Variants in CRISPLD2 observed in about 807,000 individuals in gnomAD.
CRISPLD2 encodes cysteine rich secretory protein LCCL domain containing 2.
A neutral mutation model predicts 71.1 loss-of-function variants in CRISPLD2; 47 were observed. The observed-to-expected ratio is 0.66, with a 90% CI of 0.52 to 0.84. The LOEUF (loss-of-function observed/expected upper bound fraction) is 0.84, where lower values mean the gene tolerates loss of function less well. CRISPLD2 is among the 40% of genes least tolerant of loss of function. The pLI is 0.00. For missense variants in CRISPLD2, 830 were observed against 651.1 expected (o/e 1.27, Z -2.99); for synonymous variants, 317 against 250.1 (o/e 1.27, Z -2.52).
intron 7 of CRISPLD2, among the ~76,000 whole-genome samples, chr16:84,867,342 G>A (rs898190812): frequency 6.6e-6 from 1 of 152,224 alleles, no homozygotes; most frequent in Non-Finnish European, 1.5e-5. Flanking sequence ...CTGAAGTTGG[G>A]TTCCTCTGGG....
At chr16:84,873,209 G>T in intron 10 of CRISPLD2, 87 bp downstream of exon 10, 1 of 1,494,400 alleles carries the variant, frequency 6.7e-7, no homozygotes, top group Non-Finnish European at 9.0e-7. Context: ...CACACAGGCC[G>T]GGCGTGGTGG....
chr16:84,871,543 T>C (rs1386893313), intron 8 of CRISPLD2, among the ~76,000 whole-genome samples: 6 of 151,332 alleles, frequency 4.0e-5, no homozygotes, highest in African/African-American at 1.5e-4. Context: ...TTTCTTGGGG[T>C]TTTGTTTGTT....
chr16:84,897,815 C>A (rs113378940), intron 14 of CRISPLD2, among the ~76,000 whole-genome samples: 3,212 of 152,296 alleles, frequency 0.021, 65 homozygotes, highest in African/African-American at 0.047. Flanking sequence ...CGGGGTTTCG[C>A]CATGTTGGCC....
At chr16:84,840,339 G>A (rs1344339429) in intron 2 of CRISPLD2, among the ~76,000 whole-genome samples, 1 of 152,134 alleles carries the variant, frequency 6.6e-6, no homozygotes, top group Non-Finnish European at 1.5e-5. Context: ...GAAAGTATTA[G>A]CACCAATTTG....
intron 2 of CRISPLD2, among the ~76,000 whole-genome samples, chr16:84,845,325 C>G (rs1009967799): frequency 1.3e-5 from 2 of 151,690 alleles, no homozygotes; most frequent in African/African-American, 4.8e-5. Context: ...GGAGAGGAAG[C>G]CTGGTGTGCC....
At chr16:84,872,382 C>T (rs2071478505) in intron 8 of CRISPLD2, 60 bp from the exon 9 acceptor site, 8 of 1,338,830 alleles carry the variant, frequency 6.0e-6, no homozygotes, top group South Asian at 1.2e-5. Flanking sequence ...ATGATAAACT[C>T]ATTGTGAGAT....
chr16:84,832,480 C>A (rs1422983523), intron 1 of CRISPLD2, among the ~76,000 whole-genome samples: 1 of 152,248 alleles, frequency 6.6e-6, no homozygotes, highest in Non-Finnish European at 1.5e-5. Context: ...CAGGAGGGGG[C>A]CACAGAGTCA....
intron 5 of CRISPLD2, among the ~76,000 whole-genome samples, chr16:84,852,533 T>G (rs1013897307): frequency 6.6e-6 from 1 of 152,228 alleles, no homozygotes; most frequent in Non-Finnish European, 1.5e-5. Flanking sequence ...TTCTTTCCTT[T>G]TGTCTGCTGC....
chr16:84,881,430 G>C (rs539658079), intron 13 of CRISPLD2, among the ~76,000 whole-genome samples: 4 of 152,276 alleles, frequency 2.6e-5, no homozygotes, highest in South Asian at 2.1e-4. Flanking sequence ...AACATTGTCT[G>C]TTCCCTCTGG....
At chr16:84,895,965 T>C (rs990532019) in intron 14 of CRISPLD2, among the ~76,000 whole-genome samples, 1 of 151,944 alleles carries the variant, frequency 6.6e-6, no homozygotes, top group African/African-American at 2.4e-5. Context: ...GAGCTAAACC[T>C]GTACCTGTCT....
Position 84,846,094 on chromosome 16 carries a change from C to T in CRISPLD2, c.359+190C>T, listed in dbSNP as rs984131592. On this transcript the variant is annotated intron_variant, in intron 3 of 14. Coordinates refer to ENST00000262424, the MANE Select transcript of CRISPLD2 (RefSeq NM_031476.4). The stretch of plus-strand genomic sequence containing the variant: ...GAGTGACTGACAAAATGTATTCAAG[C>T]TTGGTTGGCTGACCCCAGACACTGA... 7.0e-5 allele frequency: 34 copies of T among 486,888 alleles called. No individual in the cohort carries two copies. In the South Asian group the frequency reaches 8.6e-4, roughly 12 times the overall value. The allele number at this position is 486,888 out of a possible 1,614,324, so 30.2% of individuals were successfully genotyped here. A position where few individuals can be genotyped will look rare whatever the true frequency, so the allele number is the denominator to read the frequency against.
At chr16:84,877,578 G>A in intron 12 of CRISPLD2, 68 bp downstream of exon 12, 2 of 1,490,016 alleles carry the variant, frequency 1.3e-6, no homozygotes, top group Non-Finnish European at 1.9e-6. Context: ...GGCTGGGTGA[G>A]GTGGCTCACA....
chr16:84,884,382 A>G (rs187689644), intron 13 of CRISPLD2, among the ~76,000 whole-genome samples: 5 of 152,338 alleles, frequency 3.3e-5, no homozygotes, highest in African/African-American at 1.2e-4. Flanking sequence ...CGTGAAATGC[A>G]TAGAACAAAG....
chr16:84,840,499 T>C (rs886555442), intron 2 of CRISPLD2, among the ~76,000 whole-genome samples: 1 of 152,038 alleles, frequency 6.6e-6, no homozygotes, highest in African/African-American at 2.4e-5. Flanking sequence ...TACGTATTTA[T>C]TGTTTCTGTT....
intron 5 of CRISPLD2, 42 bp from the exon 6 acceptor site, chr16:84,854,687 G>C: frequency 6.7e-7 from 1 of 1,483,612 alleles, no homozygotes; most frequent in Non-Finnish European, 9.4e-7. Flanking sequence ...GAGGCCTCAC[G>C]TCGTGGTTCC....
At chr16:84,867,482 A>G (rs1597467336) in intron 7 of CRISPLD2, among the ~76,000 whole-genome samples, 1 of 152,194 alleles carries the variant, frequency 6.6e-6, no homozygotes, top group East Asian at 1.9e-4. Context: ...TGCCACATCA[A>G]GGTTGCCCGG....
intron 1 of CRISPLD2, among the ~76,000 whole-genome samples, chr16:84,823,955 C>G (rs1048025363): frequency 6.6e-6 from 1 of 152,200 alleles, no homozygotes; most frequent in Non-Finnish European, 1.5e-5. Flanking sequence ...TGAGCTGGAA[C>G]TGACCCTACC....
intron 6 of CRISPLD2, among the ~76,000 whole-genome samples, chr16:84,858,920 G>A (rs1056789317): frequency 3.3e-5 from 5 of 152,184 alleles, no homozygotes; most frequent in Non-Finnish European, 5.9e-5. Flanking sequence ...GGTTAAGCTT[G>A]CGATAATCCA....
chr16:84,890,441 C>T (rs911107131), intron 14 of CRISPLD2, among the ~76,000 whole-genome samples: 1 of 152,106 alleles, frequency 6.6e-6, no homozygotes, highest in Non-Finnish European at 1.5e-5. Flanking sequence ...CGAGACCATA[C>T]CTTTATGGAA....
Sources: gnomAD v4.1 joint callset for allele counts (sites outside exome capture counted in the v4.1 genomes callset) on GRCh38, gnomAD v4.1.1 for gene constraint, MANE v1.5 for transcripts, NCBI Gene and HGNC (gene_info 2026-07-23, HGNC 2026-07-21) for gene names.